Variants in SPAG16 observed in about 807,000 individuals in gnomAD.
SPAG16 encodes the protein sperm associated antigen 16.
A neutral mutation model predicts 80.4 loss-of-function variants in SPAG16; 86 were observed. That is an observed-to-expected ratio of 1.07 (90% CI 0.90 to 1.28). The LOEUF (loss-of-function observed/expected upper bound fraction) is 1.28, where lower values mean the gene tolerates loss of function less well. SPAG16 is among the 50% of genes most tolerant of loss of function. The pLI, the probability that SPAG16 is intolerant of heterozygous loss-of-function variation, is 0.00. For missense variants in SPAG16, 870 were observed against 765.3 expected, an observed-to-expected ratio of 1.14 and a Z score of -1.61; for synonymous variants, 294 against 265.9, an observed-to-expected ratio of 1.11 and a Z score of -1.03.
intron 12 of SPAG16, among the ~76,000 whole-genome samples, chr2:213,962,163 C>A (rs1360808953): frequency 1.3e-5 from 2 of 151,638 alleles, no homozygotes; most frequent in Admixed American, 1.3e-4. Context: ...AAGGGTAAAG[C>A]CCTAATCCAA....
intron 10 of SPAG16, among the ~76,000 whole-genome samples, chr2:213,549,116 C>T (rs987167277): frequency 2.6e-5 from 4 of 151,926 alleles, no homozygotes; most frequent in Non-Finnish European, 5.9e-5. Flanking sequence ...CAAAATGGAA[C>T]TCAATTTTAA....
intron 9 of SPAG16, among the ~76,000 whole-genome samples, chr2:213,398,040 G>A (rs116629136): frequency 6.6e-6 from 1 of 151,970 alleles, no homozygotes; most frequent in Non-Finnish European, 1.5e-5. Flanking sequence ...AAAAACTCTA[G>A]AGTCATCCCT....
chr2:213,856,508 C>T (rs531322236), intron 10 of SPAG16, among the ~76,000 whole-genome samples: 1 of 152,348 alleles, frequency 6.6e-6, no homozygotes, highest in East Asian at 1.9e-4. Context: ...TTCCACACTG[C>T]TCTAGCAGAG....
rs77142708 is a variant in SPAG16, at chr2:214,053,126, G to C, written c.1527+39049G>C. ...AAGTGAGGTTATTTCACCTGGAGGA[G>C]AAAGACAAGGAAGGCATGCAATTCG... On this transcript the variant is annotated intron_variant, in intron 13 of 15. Transcript: ENST00000331683. Among the ~76,000 whole-genome samples the C allele has an allele frequency of 7.1e-3, 1,085 of 152,294 alleles. 17 individuals are homozygous for C. Among genetic ancestry groups the C allele is most frequent in the African/African-American group, 0.025 (1,049 of 41,560 alleles).
At chr2:214,227,236 T>A (rs950777891) in intron 15 of SPAG16, among the ~76,000 whole-genome samples, 1 of 152,042 alleles carries the variant, frequency 6.6e-6, no homozygotes, top group Admixed American at 6.6e-5. Context: ...TTCCACATCT[T>A]CTTATTCTGA....
chr2:213,407,631 GA>G (rs2068699438), intron 9 of SPAG16, among the ~76,000 whole-genome samples: 1 of 90,832 alleles, frequency 1.1e-5, no homozygotes, highest in Admixed American at 1.0e-4. Flanking sequence ...GAGAGAGAGA[GA>G]GAGAGAGACA....
chr2:213,426,836 T>TACACACACACAC lies in SPAG16; in HGVS notation c.942+51753_942+51764dup, dbSNP rs199604984. Among the ~76,000 whole-genome samples, 317 of 125,830 alleles carry TACACACACACAC rather than the reference T, an allele frequency of 2.5e-3. 1 individual carries two copies. Among genetic ancestry groups the TACACACACACAC allele is most frequent in the Non-Finnish European group, 2.7e-3 (163 of 59,582 alleles). The allele number at this position is 125,830 out of a possible 152,430, so 82.5% of individuals were successfully genotyped here. A position where few individuals can be genotyped will look rare whatever the true frequency, so the allele number is the denominator to read the frequency against. On this transcript the variant is annotated intron_variant, in intron 9 of 15. Coordinates refer to ENST00000331683, the MANE Select transcript of SPAG16 (RefSeq NM_024532.5). ...TTTTTCAAAAGATTATTCTGATACA[T>TACACACACACAC]ACACACACACACACACACACACACA...
intron 15 of SPAG16, among the ~76,000 whole-genome samples, chr2:214,273,904 G>A (rs922944437): frequency 2.6e-5 from 4 of 152,098 alleles, no homozygotes; most frequent in Admixed American, 1.3e-4. Flanking sequence ...CCATTTTCAC[G>A]ATATTGATTC....
chr2:213,507,437 CAAACA>C (rs1329460771), intron 10 of SPAG16, among the ~76,000 whole-genome samples: 1 of 152,086 alleles, frequency 6.6e-6, no homozygotes, highest in Non-Finnish European at 1.5e-5. Context: ...CTGGACAGAC[CAAACA>C]AAAGAAAACA....
intron 10 of SPAG16, among the ~76,000 whole-genome samples, chr2:213,583,283 T>C (rs1024386556): frequency 3.3e-5 from 5 of 152,200 alleles, no homozygotes; most frequent in Admixed American, 6.5e-5. Flanking sequence ...TGTACCTAGT[T>C]TGGAAAATTA....
rs561197535 is a variant in SPAG16, at chr2:213,875,279, G to A, written c.1214+12651G>A. Among the ~76,000 whole-genome samples the A allele has an allele frequency of 1.3e-4, 20 of 152,080 alleles. No individual in the cohort carries two copies. In the South Asian group the frequency reaches 4.0e-3, roughly 30 times the overall value. ...ACATTTGGAGGGTTTTAAATAGAATGGATGCACTCATTGAAAAAATCTGTG... is the reference window on the plus strand; with the variant it reads ...ACATTTGGAGGGTTTTAAATAGAATAGATGCACTCATTGAAAAAATCTGTG... On this transcript the variant is annotated intron_variant, in intron 11 of 15. Coordinates refer to ENST00000331683, the MANE Select transcript of SPAG16 (RefSeq NM_024532.5).
intron 10 of SPAG16, among the ~76,000 whole-genome samples, chr2:213,755,343 T>C (rs2068273444): frequency 6.6e-6 from 1 of 152,188 alleles, no homozygotes; most frequent in African/African-American, 2.4e-5. Context: ...ACTGATATCA[T>C]GTTATATAGA....
chr2:213,409,570 A>G (rs896284572), intron 9 of SPAG16, among the ~76,000 whole-genome samples: 1 of 152,224 alleles, frequency 6.6e-6, no homozygotes, highest in Non-Finnish European at 1.5e-5. Context: ...AACAAAAATT[A>G]TAAAAGGTTA....
intron 15 of SPAG16, among the ~76,000 whole-genome samples, chr2:214,398,346 C>T (rs1258333821): frequency 6.6e-6 from 1 of 152,164 alleles, no homozygotes; most frequent in Non-Finnish European, 1.5e-5. Context: ...ACTGAAAATA[C>T]CCTAATATTC....
intron 15 of SPAG16, among the ~76,000 whole-genome samples, chr2:214,172,401 C>T (rs987623721): frequency 3.3e-5 from 5 of 152,048 alleles, no homozygotes; most frequent in Non-Finnish European, 7.4e-5. Context: ...CAATTTCATC[C>T]ATGTCCCTAC....
At chr2:214,208,500 C>T (rs1422969787) in intron 15 of SPAG16, among the ~76,000 whole-genome samples, 2 of 152,082 alleles carry the variant, frequency 1.3e-5, no homozygotes, top group African/African-American at 4.8e-5. Context: ...CAAACTATTT[C>T]AGTTGAAGAC....
intron 10 of SPAG16, among the ~76,000 whole-genome samples, chr2:213,734,372 G>T (rs4673754): frequency 0.92 from 140,786 of 152,236 alleles, 66,136 homozygotes; most frequent in East Asian, 1. Flanking sequence ...CAAACCAAGA[G>T]AAAAAAGCAT....
chr2:214,046,140 G>A (rs185980906), intron 13 of SPAG16, among the ~76,000 whole-genome samples: 3 of 152,014 alleles, frequency 2.0e-5, no homozygotes, highest in Non-Finnish European at 4.4e-5. Context: ...AACCTACCAA[G>A]ATTGAACCAT....
chr2:213,728,734 G>A (rs2066889068), intron 10 of SPAG16, among the ~76,000 whole-genome samples: 1 of 151,686 alleles, frequency 6.6e-6, no homozygotes, highest in Non-Finnish European at 1.5e-5. Context: ...AAAATTAGCC[G>A]GGCGTGGTGG....
Sources: gnomAD v4.1 joint callset for allele counts (sites outside exome capture counted in the v4.1 genomes callset) on GRCh38, gnomAD v4.1.1 for gene constraint, MANE v1.5 for transcripts, NCBI Gene and HGNC (gene_info 2026-07-23, HGNC 2026-07-21) for gene names.